TAS1R1: variants seen among roughly 807,000 people sequenced by gnomAD.
TAS1R1 encodes taste 1 receptor member 1.
A neutral mutation model predicts 45.8 loss-of-function variants in TAS1R1; 31 were observed. The ratio of observed to expected loss-of-function variants is 0.68; its 90% confidence interval spans 0.51 to 0.91. The LOEUF is 0.91. Ranked by LOEUF, TAS1R1 falls within the 40% of genes least tolerant of loss-of-function variation. The pLI is 0.00. For missense variants in TAS1R1, 1,051 were observed against 1,063.9 expected (o/e 0.99, Z 0.17); for synonymous variants, 437 against 448.4 (o/e 0.97, Z 0.32).
At position 6,573,737 on chromosome 1, in the gene TAS1R1, A is replaced by C. The variant is rs182153736; in HGVS notation, c.499-894A>C. Among the ~76,000 whole-genome samples the C allele has an allele frequency of 9.9e-5, 15 of 151,666 alleles. 1 individual carries two copies. In the East Asian group the frequency reaches 2.9e-3, roughly 30 times the overall value. On this transcript the variant is annotated intron_variant, in intron 2 of 5. Transcript: ENST00000333172. ...GAGTGCAGTGGCGCGATCTCGACTC[A>C]CTGCAAGCTCCGCCTCCCGGGTTCA...
intron 3 of TAS1R1, 38 bp from the exon 4 acceptor site, chr1:6,576,377 G>T (rs1418247575): frequency 6.2e-7 from 1 of 1,606,764 alleles, no homozygotes; most frequent in Non-Finnish European, 8.5e-7. Flanking sequence ...GTGGGTCTGT[G>T]CTGTCTGTGG....
Position 6,579,406 on chromosome 1 carries a change from A to C in TAS1R1, c.2348A>C (p.Tyr783Ser). The change falls in exon 6 of 6, where the codon TAC (tyrosine) becomes TCC (serine). Residue 783 changes from tyrosine (Y) to serine (S), a missense_variant. Coordinates refer to ENST00000333172, the MANE Select transcript of TAS1R1 (RefSeq NM_138697.4). ...GCCTTCTTCACCACGGCCAGCGTCT[A>C]CGACGGCAAGTACCTGCCTGCGGCC... ...WIAFFTTASV[Y>S]DGKYLPAANM... 6.2e-7 allele frequency: 1 copy of C among 1,613,988 alleles called. No homozygotes were observed. Among genetic ancestry groups the C allele is most frequent in the Non-Finnish European group, 8.5e-7 (1 of 1,180,052 alleles).
Position 6,578,703 on chromosome 1 carries a change from A to C in TAS1R1, c.1645A>C (p.Ser549Arg), listed in dbSNP as rs1196483168. The C allele has an allele frequency of 6.2e-6, 10 of 1,606,842 alleles. No homozygotes were observed. Among genetic ancestry groups the C allele is most frequent in the African/African-American group, 1.3e-5 (1 of 74,932 alleles). ...GAAAGAAGAGTGGGCACCTGAGGGAAGCCAGACCTGCTTCCCGCGCACTGT... is the reference window on the plus strand; with the variant it reads ...GAAAGAAGAGTGGGCACCTGAGGGACGCCAGACCTGCTTCCCGCGCACTGT... Reference protein sequence around the residue: ...CGKEEWAPEGSQTCFPRTVVF... With the variant: ...CGKEEWAPEGRQTCFPRTVVF... The change falls in exon 6 of 6, where the codon AGC becomes CGC. Residue 549 changes from serine to arginine, a missense_variant. Physicochemically the swap from Ser to Arg is moderately radical, Grantham distance 110 (BLOSUM62 -1). Coordinates refer to ENST00000333172, the MANE Select transcript of TAS1R1 (RefSeq NM_138697.4).
chr1:6,576,054 T>G (rs1393276238), intron 3 of TAS1R1, among the ~76,000 whole-genome samples: 1 of 152,202 alleles, frequency 6.6e-6, no homozygotes, highest in Non-Finnish European at 1.5e-5. Context: ...GGTCTCGAAC[T>G]CCTGGCATCA....
chr1:6,558,415 G>A (rs1406055196), intron 1 of TAS1R1, among the ~76,000 whole-genome samples: 1 of 152,046 alleles, frequency 6.6e-6, no homozygotes, highest in Non-Finnish European at 1.5e-5. Flanking sequence ...TTGCCATGAA[G>A]GTATTTTTAA....
intron 1 of TAS1R1, among the ~76,000 whole-genome samples, chr1:6,564,279 TAGA>T (rs1273131810): frequency 6.6e-6 from 1 of 152,106 alleles, no homozygotes; most frequent in Non-Finnish European, 1.5e-5. Context: ...CATGTTCTCC[TAGA>T]AGGAGAGTCT....
At chr1:6,558,355 T>C (rs1198118843) in intron 1 of TAS1R1, among the ~76,000 whole-genome samples, 2 of 152,152 alleles carry the variant, frequency 1.3e-5, no homozygotes, top group Non-Finnish European at 2.9e-5. Flanking sequence ...CGTGTCAGAT[T>C]GTCTAGGCTA....
chr1:6,575,724 G>A (rs1306450398), intron 3 of TAS1R1, among the ~76,000 whole-genome samples: 2 of 137,952 alleles, frequency 1.4e-5, no homozygotes, highest in African/African-American at 5.4e-5. Flanking sequence ...ATAGAGTCTC[G>A]CTCTGTTGCC....
chr1:6,577,764 G>A (rs1246519035), intron 5 of TAS1R1, among the ~76,000 whole-genome samples: 1 of 152,130 alleles, frequency 6.6e-6, no homozygotes, highest in Non-Finnish European at 1.5e-5. Context: ...GGAGGCGGAG[G>A]TTGCAGTGAG....
intron 1 of TAS1R1, among the ~76,000 whole-genome samples, chr1:6,556,062 G>C (rs1557799714): frequency 6.6e-6 from 1 of 152,082 alleles, no homozygotes; most frequent in South Asian, 2.1e-4. Flanking sequence ...TAGTAGAGAC[G>C]GGGTTTCACC....
At chr1:6,577,285 G>C (rs1640205963) in intron 5 of TAS1R1, among the ~76,000 whole-genome samples, 2 of 152,250 alleles carry the variant, frequency 1.3e-5, no homozygotes, top group African/African-American at 4.8e-5. Flanking sequence ...TGTAATCCCA[G>C]CACTTTGGGA....
chr1:6,573,899 G>A lies in TAS1R1; in HGVS notation c.499-732G>A, dbSNP rs935961846. The stretch of plus-strand genomic sequence containing the variant: ...AGGCTGGTCGCAAACTCCTAACCTC[G>A]TGATCCACCCACCTCGGCCTCCCAA... On this transcript the variant is annotated intron_variant, in intron 2 of 5. Transcript: ENST00000333172. Among the ~76,000 whole-genome samples the A allele has an allele frequency of 1.1e-3, 170 of 151,994 alleles. 2 individuals are homozygous for A. Among genetic ancestry groups the A allele is most frequent in the Admixed American group, 0.011 (170 of 15,256 alleles).
chr1:6,567,877 T>C (rs1023027321), intron 1 of TAS1R1, among the ~76,000 whole-genome samples: 1 of 152,134 alleles, frequency 6.6e-6, no homozygotes, highest in Non-Finnish European at 1.5e-5. Flanking sequence ...CCCAGTAGCC[T>C]TCTTTGCCGC....
At position 6,555,553 on chromosome 1, in the gene TAS1R1, C is replaced by A. The variant is rs1406432079; in HGVS notation, c.180C>A (p.Thr60=). ...AGGTGAGGCACAGACCCGAGGTGAC[C>A]CTGTGTGACAGGTGAGTGAGGGGCC... The part of the protein sequence containing the change: ...CLQVRHRPEV[T]LCDRSCSFNE... The change falls in exon 1 of 6, where the codon ACC becomes ACA. Residue 60 remains threonine, a synonymous_variant. Transcript: ENST00000333172. 4 of 1,548,696 alleles carry A rather than the reference C, an allele frequency of 2.6e-6. No homozygotes were observed. The East Asian group carries it at 9.8e-5, about 38-fold the overall frequency.
intron 1 of TAS1R1, among the ~76,000 whole-genome samples, chr1:6,556,601 C>T (rs1329937846): frequency 6.6e-6 from 1 of 151,738 alleles, no homozygotes. Context: ...GGGGTTTCAC[C>T]ATGTTGGTCA....
At chr1:6,556,692 G>A (rs542984803) in intron 1 of TAS1R1, among the ~76,000 whole-genome samples, 3 of 150,522 alleles carry the variant, frequency 2.0e-5, no homozygotes, top group South Asian at 4.5e-4. Flanking sequence ...TTGAGCCACC[G>A]CGCCCGGCCT....
rs1640131053 is a variant in TAS1R1, at chr1:6,575,178, CT to C, written c.1047del (p.Arg350GlyfsTer34). 14 of 1,607,630 alleles carry C rather than the reference CT, an allele frequency of 8.7e-6. No individual in the cohort carries two copies. The highest frequency in any genetic ancestry group is 1.2e-5 in the Non-Finnish European group (14 of 1,176,902). On this transcript the variant is annotated frameshift_variant, in exon 3 of 6. Coordinates refer to ENST00000333172, the MANE Select transcript of TAS1R1 (RefSeq NM_138697.4). LOFTEE classifies it high-confidence loss of function. Reference protein sequence around the residue: ...EAYARADKKAPRPCHKGSWCS... With the variant: ...EAYARADKKAXRPCHKGSWCS... ...TATGCCCGGGCAGACAAGAAGGCCC[CT>C]AGGCCTTGCCACAAGGGCTCCTGGT...
Position 6,574,177 on chromosome 1 carries a change from A to C in TAS1R1, c.499-454A>C, listed in dbSNP as rs560354220. Among the ~76,000 whole-genome samples, 3 of 152,088 alleles carry C rather than the reference A, an allele frequency of 2.0e-5. No homozygotes were observed. Among genetic ancestry groups the C allele is most frequent in the Non-Finnish European group, 4.4e-5 (3 of 68,002 alleles). On this transcript the variant is annotated intron_variant, in intron 2 of 5. Coordinates refer to ENST00000333172, the MANE Select transcript of TAS1R1 (RefSeq NM_138697.4). This position sits in a 1 kb window ranked among gnomAD's most constrained non-coding sequence, Gnocchi z 4.3. The stretch of plus-strand genomic sequence containing the variant: ...GGGTTCAAGCTCCTACAAGAATCTG[A>C]TGCTGCTGCTGATCTGACAGGAGGG...
At chr1:6,578,197 A>G (rs935594877) in intron 5 of TAS1R1, among the ~76,000 whole-genome samples, 19 of 152,154 alleles carry the variant, frequency 1.2e-4, no homozygotes, top group African/African-American at 3.9e-4. Flanking sequence ...TCCTTTCACC[A>G]TCTCTGTAGG....
Sources: allele counts gnomAD v4.1 joint callset (sites outside exome capture counted in the v4.1 genomes callset), GRCh38; gene constraint gnomAD v4.1.1; non-coding constraint Gnocchi (gnomAD v3.1); transcripts MANE v1.5; gene names NCBI Gene and HGNC (gene_info 2026-07-23, HGNC 2026-07-21).